The following CKAP5 variants were observed in gnomAD, a reference collection of about 807,000 sequenced individuals.
CKAP5 encodes the protein cytoskeleton-associated protein 5.
In CKAP5, 27 loss-of-function variants were observed where a neutral mutation model predicts 232.8. The ratio of observed to expected loss-of-function variants is 0.12; its 90% CI spans 0.09 to 0.16. The LOEUF is 0.16. Among genes scored for constraint, CKAP5 ranks in the 10% least tolerant of loss-of-function variants. The probability of loss-of-function intolerance (pLI) is 1.00; values close to 1 mark genes in which losing one functional copy is unlikely to be tolerated. For synonymous variants in CKAP5, 785 were observed against 841.1 expected (o/e 0.93, Z 1.16); for missense variants, 1,838 against 2,424.7 (o/e 0.76, Z 5.08).
At chr11:46,822,290 A>G (rs1592482668) in intron 1 of CKAP5, among the ~76,000 whole-genome samples, 1 of 152,230 alleles carries the variant, frequency 6.6e-6, no homozygotes, top group African/African-American at 2.4e-5. Context: ...CAAAAAAACC[A>G]AAAATTTGTT....
chr11:46,808,353 A>C lies in CKAP5; in HGVS notation c.865-209T>G, dbSNP rs536957320. On this transcript the variant is annotated intron_variant, in intron 7 of 43. Transcript: ENST00000529230. Reference sequence around the variant, plus strand: ...TCAGGAGATCGAGACCATCCTGACTAACAAGGTGAAACCCTGTCTCTACTA... The same window carrying C: ...TCAGGAGATCGAGACCATCCTGACTCACAAGGTGAAACCCTGTCTCTACTA... Among the ~76,000 whole-genome samples the C allele has an allele frequency of 7.3e-3, 1,107 of 152,300 alleles. 21 individuals carry two copies. Among genetic ancestry groups the C allele is most frequent in the African/African-American group, 0.025 (1,058 of 41,572 alleles).
chr11:46,845,150 C>G (rs1032404303), intron 1 of CKAP5, among the ~76,000 whole-genome samples: 2 of 152,138 alleles, frequency 1.3e-5, no homozygotes, highest in African/African-American at 4.8e-5. Flanking sequence ...AATTTATTGG[C>G]TCTTTAGGTC....
intron 5 of CKAP5, 39 bp from the exon 6 acceptor site, chr11:46,809,913 T>G (rs770171485): frequency 1.9e-6 from 3 of 1,565,466 alleles, no homozygotes; most frequent in Non-Finnish European, 1.7e-6. Context: ...TATCTGCATC[T>G]CCACCATTAG....
At chr11:46,818,193 G>A (rs1207615501) in intron 3 of CKAP5, 117 bp downstream of exon 3, 1 of 711,048 alleles carries the variant, frequency 1.4e-6, no homozygotes, top group Non-Finnish European at 2.1e-6. Context: ...AACTACGAAA[G>A]TAAGAAAATT....
rs1165487828 is a variant in CKAP5, at chr11:46,743,076, G to GTT, written c.*945_*946dup. 1 of 152,182 alleles carries GTT rather than the reference G, an allele frequency of 6.6e-6. No individual in the cohort carries two copies. The highest frequency in any genetic ancestry group is 1.9e-4 in the East Asian group (1 of 5,196). The allele number at this position is 152,182 out of a possible 1,614,324, so 9.4% of individuals were successfully genotyped here. On this transcript the variant is annotated 3_prime_UTR_variant, in exon 44 of 44. Transcript: ENST00000529230. ...TACTCTGACTGAATGTGAAGCAACT[G>GTT]TTAGCCTGGACCAAAAGAGACTCAT...
At chr11:46,836,726 A>G (rs1431971411) in intron 1 of CKAP5, among the ~76,000 whole-genome samples, 2 of 152,220 alleles carry the variant, frequency 1.3e-5, no homozygotes, top group Non-Finnish European at 2.9e-5. Flanking sequence ...AGTTTCTTAC[A>G]AAACTATAAC....
intron 1 of CKAP5, among the ~76,000 whole-genome samples, chr11:46,833,158 T>C (rs930643528): frequency 6.6e-6 from 1 of 151,944 alleles, no homozygotes; most frequent in Non-Finnish European, 1.5e-5. Flanking sequence ...GGCAGCGGGG[T>C]TCAGGGAAGG....
chr11:46,829,844 G>T (rs1419568170), intron 1 of CKAP5, among the ~76,000 whole-genome samples: 2 of 19,912 alleles, frequency 1.0e-4, no homozygotes, highest in African/African-American at 1.9e-4. Context: ...TTGTATGTGT[G>T]TGTGTGTGTG....
intron 12 of CKAP5, among the ~76,000 whole-genome samples, chr11:46,796,160 T>G (rs554334541): frequency 2.1e-5 from 1 of 46,682 alleles, no homozygotes; most frequent in Non-Finnish European, 5.1e-5. Context: ...GTGAGATTCA[T>G]TGCCAAAAAA....
chr11:46,831,774 C>T (rs187003203), intron 1 of CKAP5, among the ~76,000 whole-genome samples: 117 of 152,076 alleles, frequency 7.7e-4, no homozygotes, highest in Non-Finnish European at 9.1e-4. Context: ...TCAAGCAGTC[C>T]TCCTGCCTCA....
At chr11:46,811,297 GT>G (rs1159997005) in intron 4 of CKAP5, 119 bp from the exon 5 acceptor site, 16 of 809,770 alleles carry the variant, frequency 2.0e-5, no homozygotes, top group Middle Eastern at 3.7e-4. Flanking sequence ...TATAAGTTCA[GT>G]TTTTTTTAAG....
At chr11:46,787,645 C>A (rs892815770) in intron 16 of CKAP5, among the ~76,000 whole-genome samples, 4 of 152,102 alleles carry the variant, frequency 2.6e-5, no homozygotes, top group Non-Finnish European at 4.4e-5. Flanking sequence ...CTGTTTATTT[C>A]TCCCTTGAAT....
intron 24 of CKAP5, among the ~76,000 whole-genome samples, chr11:46,773,484 G>A (rs987531418): frequency 2.0e-5 from 3 of 150,874 alleles, no homozygotes; most frequent in Non-Finnish European, 4.4e-5. Flanking sequence ...CCTGACCTCA[G>A]GTGATCCACC....
At chr11:46,794,111 A>G (rs145506584) in intron 13 of CKAP5, among the ~76,000 whole-genome samples, 2 of 152,270 alleles carry the variant, frequency 1.3e-5, no homozygotes, top group African/African-American at 4.8e-5. Context: ...CAAAATAAAG[A>G]CATAAATGTA....
intron 3 of CKAP5, among the ~76,000 whole-genome samples, chr11:46,817,502 A>C (rs1237204191): frequency 6.6e-6 from 1 of 152,206 alleles, no homozygotes; most frequent in Non-Finnish European, 1.5e-5. Flanking sequence ...TTTATCAAAA[A>C]ACCGCTTCTA....
chr11:46,792,411 G>A (rs1191674066), intron 13 of CKAP5, among the ~76,000 whole-genome samples: 2 of 152,104 alleles, frequency 1.3e-5, no homozygotes, highest in Non-Finnish European at 2.9e-5. Context: ...AAATTAGCCA[G>A]GCGTGGTGGC....
intron 18 of CKAP5, 124 bp downstream of exon 18, chr11:46,783,150 A>G: frequency 3.7e-6 from 2 of 544,818 alleles, no homozygotes; most frequent in Non-Finnish European, 3.2e-6. Context: ...TTTCTTTTAT[A>G]TAAATGAGAC....
intron 9 of CKAP5, among the ~76,000 whole-genome samples, chr11:46,800,313 C>CT (rs1938998488): frequency 6.6e-6 from 1 of 151,986 alleles, no homozygotes; most frequent in Non-Finnish European, 1.5e-5. Flanking sequence ...GTTAAGTTCT[C>CT]TGAGATTATT....
Position 46,801,308 on chromosome 11 carries a change from C to A in CKAP5, c.979-4G>T. The A allele has an allele frequency of 1.2e-6, 2 of 1,605,922 alleles. No individual in the cohort carries two copies. Among genetic ancestry groups the A allele is most frequent in the Non-Finnish European group, 1.7e-6 (2 of 1,172,822 alleles). On this transcript the variant is annotated splice_region_variant and splice_polypyrimidine_tract_variant and intron_variant, in intron 8 of 43. Coordinates refer to ENST00000529230, the MANE Select transcript of CKAP5 (RefSeq NM_001008938.4). ...CATTGGTGTCCTTTCCAACAACCTA[C>A]AAAGGGGGGTAAAAAGGAAAACAAA...
Sources: allele counts gnomAD v4.1 joint callset (sites outside exome capture counted in the v4.1 genomes callset), GRCh38; gene constraint gnomAD v4.1.1; transcripts MANE v1.5; gene names NCBI Gene and HGNC (gene_info 2026-07-23, HGNC 2026-07-21).